The following PCGF5 variants were observed in gnomAD, a reference collection of about 807,000 sequenced individuals.
The protein encoded by PCGF5 is polycomb group RING finger protein 5.
In PCGF5, 9 loss-of-function variants were observed where a neutral mutation model predicts 44.3. The observed-to-expected ratio is 0.20, with a 90% CI of 0.12 to 0.35. The LOEUF is 0.35. PCGF5 is among the 10% of genes least tolerant of loss of function. The pLI is 1.00. For synonymous variants in PCGF5, 95 were observed against 102.5 expected (o/e 0.93, Z 0.44); for missense variants, 146 against 305.3 (o/e 0.48, Z 3.89).
chr10:91,253,326 G>A (rs34771310), intron 6 of PCGF5, among the ~76,000 whole-genome samples: 2 of 151,516 alleles, frequency 1.3e-5, no homozygotes, highest in Admixed American at 6.6e-5. Flanking sequence ...ATCCTGTCTC[G>A]CCCCCTACCA....
chr10:91,156,709 G>C, the PCGF5 span, among the ~76,000 whole-genome samples: 1 of 152,164 alleles, frequency 6.6e-6, no homozygotes, highest in Non-Finnish European at 1.5e-5. Context: ...TCCAGGCAGT[G>C]CAAGAACCCC....
chr10:91,231,695 C>T (rs1311562658), intron 2 of PCGF5, among the ~76,000 whole-genome samples: 2 of 152,130 alleles, frequency 1.3e-5, no homozygotes, highest in Non-Finnish European at 2.9e-5. Flanking sequence ...AATGAAGATC[C>T]GTTTCAGGCA....
chr10:91,172,311 C>G (rs1843623140), intron 1 of PCGF5, among the ~76,000 whole-genome samples: 1 of 152,094 alleles, frequency 6.6e-6, no homozygotes, highest in Non-Finnish European at 1.5e-5. Context: ...CTCAGCTACA[C>G]CGGAGGGTGA....
chr10:91,211,979 G>C (rs1404826456), intron 1 of PCGF5, among the ~76,000 whole-genome samples: 9 of 152,206 alleles, frequency 5.9e-5, no homozygotes, highest in African/African-American at 2.2e-4. Context: ...TCCATTGTCA[G>C]GAGCGGTGTG....
At chr10:91,262,962 G>A (rs1404160314) in intron 7 of PCGF5, among the ~76,000 whole-genome samples, 1 of 152,172 alleles carries the variant, frequency 6.6e-6, no homozygotes, top group African/African-American at 2.4e-5. Flanking sequence ...TTATTACTAA[G>A]AGAACTGTTA....
intron 1 of PCGF5, among the ~76,000 whole-genome samples, chr10:91,213,032 C>T (rs192801209): frequency 2.2e-4 from 34 of 152,238 alleles, no homozygotes; most frequent in African/African-American, 7.7e-4. Context: ...AAGCGCTGCT[C>T]GTCTGTATCT....
At chr10:91,224,396 T>C (rs573810289) in intron 2 of PCGF5, among the ~76,000 whole-genome samples, 12 of 152,314 alleles carry the variant, frequency 7.9e-5, no homozygotes, top group African/African-American at 2.6e-4. Context: ...TTGAGTACTT[T>C]GTGTGTCAGG....
At chr10:91,164,583 A>G (rs974372903) in intron 1 of PCGF5, among the ~76,000 whole-genome samples, 8 of 152,206 alleles carry the variant, frequency 5.3e-5, no homozygotes, top group Non-Finnish European at 1.0e-4. Context: ...ACTCCTTAAG[A>G]CTAGTTTTTT....
intron 1 of PCGF5, among the ~76,000 whole-genome samples, chr10:91,168,929 GAAAAAAAAA>G (rs57345364): frequency 2.8e-4 from 16 of 56,200 alleles, no homozygotes; most frequent in African/African-American, 6.5e-4. Context: ...CTCCGTCTCA[GAAAAAAAAA>G]AAAAAAAAAA....
chr10:91,193,131 C>A (rs1331681567), intron 1 of PCGF5, among the ~76,000 whole-genome samples: 1 of 152,120 alleles, frequency 6.6e-6, no homozygotes, highest in Non-Finnish European at 1.5e-5. Context: ...AGAAGGAAGG[C>A]ATGTAGCCTT....
At chr10:91,267,239 T>G (rs2648721) in intron 8 of PCGF5, among the ~76,000 whole-genome samples, 36,811 of 152,014 alleles carry the variant, frequency 0.24, 4,841 homozygotes, top group Non-Finnish European at 0.3. Flanking sequence ...ATAATTTTGC[T>G]TCTACCTCAC....
At chr10:91,266,014 A>C (rs1237042254) in intron 8 of PCGF5, among the ~76,000 whole-genome samples, 1 of 152,202 alleles carries the variant, frequency 6.6e-6, no homozygotes, top group East Asian at 1.9e-4. Flanking sequence ...TAATGTTTTA[A>C]ATGATTGTAC....
intron 2 of PCGF5, chr10:91,227,929 C>T (rs1043734939): frequency 2.0e-6 from 2 of 978,828 alleles, no homozygotes; most frequent in Non-Finnish European, 1.2e-6. Context: ...TCAATAAAAT[C>T]TTAAATGAAT....
chr10:91,160,414 T>G (rs1843362390), upstream of PCGF5, among the ~76,000 whole-genome samples: 1 of 152,130 alleles, frequency 6.6e-6, no homozygotes, highest in South Asian at 2.1e-4. Flanking sequence ...TGACAGGCAA[T>G]AGCAAAGTCA....
At chr10:91,254,704 T>C (rs1252999624) in intron 6 of PCGF5, among the ~76,000 whole-genome samples, 3 of 152,090 alleles carry the variant, frequency 2.0e-5, no homozygotes, top group Non-Finnish European at 2.9e-5. Flanking sequence ...CTACTGCTTT[T>C]ATAATACAGA....
intron 7 of PCGF5, 58 bp downstream of exon 7, chr10:91,261,482 T>G: frequency 3.7e-6 from 5 of 1,349,034 alleles, no homozygotes; most frequent in Non-Finnish European, 4.8e-6. Context: ...GAAGTAAAAT[T>G]CTAACAAAAG....
At chr10:91,268,475 T>C (rs542873602) in intron 8 of PCGF5, among the ~76,000 whole-genome samples, 1 of 152,312 alleles carries the variant, frequency 6.6e-6, no homozygotes, top group South Asian at 2.1e-4. Context: ...TTGGCTGGAA[T>C]TGGCATCTTT....
At chr10:91,162,960 A>C (rs1460161593), upstream of PCGF5, 5 of 137,428 alleles carry the variant, frequency 3.6e-5, no homozygotes, top group Non-Finnish European at 6.4e-5. Context: ...CGCCGCTCGC[A>C]CCCCCGCTGC....
rs944187521 is a variant in PCGF5 at position 91,280,645 on chromosome 10, A to G, written c.*2329A>G. The G allele has an allele frequency of 3.9e-5, 6 of 152,616 alleles. No homozygotes were observed. The highest frequency in any genetic ancestry group is 1.4e-4 in the African/African-American group (6 of 41,576). The allele number at this position is 152,616 out of a possible 1,614,324, so 9.5% of individuals were successfully genotyped here. A position where few individuals can be genotyped will look rare whatever the true frequency, so the allele number is the denominator to read the frequency against. On this transcript the variant is annotated 3_prime_UTR_variant, in exon 10 of 10. Transcript: ENST00000336126. ...TGGTCCTAAGTGATATGGTATTACTACTAGAATCACAGATTTCTTCAACTG... is the reference window on the plus strand; with the variant it reads ...TGGTCCTAAGTGATATGGTATTACTGCTAGAATCACAGATTTCTTCAACTG...
Sources: gnomAD v4.1 joint callset for allele counts (sites outside exome capture counted in the v4.1 genomes callset) on GRCh38, gnomAD v4.1.1 for gene constraint, MANE v1.5 for transcripts, NCBI Gene and HGNC (gene_info 2026-07-23, HGNC 2026-07-21) for gene names.